Variants in DTNA observed in about 807,000 individuals in gnomAD.
The protein encoded by DTNA is dystrophin-related protein 3.
A neutral mutation model predicts 100.7 loss-of-function variants in DTNA; 43 were observed. That is an observed-to-expected ratio of 0.43 (90% CI 0.33 to 0.55). The LOEUF is 0.55. Ranked by LOEUF, DTNA falls within the 20% of genes least tolerant of loss-of-function variation. The pLI is 0.04. For synonymous variants in DTNA, 349 were observed against 347.9 expected, an observed-to-expected ratio of 1.00 and a Z score of -0.04; for missense variants, 798 against 953.9, an observed-to-expected ratio of 0.84 and a Z score of 2.15.
intron 1 of DTNA, among the ~76,000 whole-genome samples, chr18:34,606,685 C>T (rs2053191525): frequency 6.6e-6 from 1 of 151,974 alleles, no homozygotes; most frequent in Non-Finnish European, 1.5e-5. Context: ...GAAGGTGATG[C>T]TTATATTGGA....
At chr18:34,508,067 A>G (rs530852451) in intron 1 of DTNA, among the ~76,000 whole-genome samples, 26 of 152,332 alleles carry the variant, frequency 1.7e-4, no homozygotes, top group Non-Finnish European at 3.2e-4. Flanking sequence ...ATTATTTTCT[A>G]TCCTTAACCC....
At chr18:34,600,141 G>T (rs1459683894) in intron 1 of DTNA, among the ~76,000 whole-genome samples, 1 of 151,984 alleles carries the variant, frequency 6.6e-6, no homozygotes, top group Non-Finnish European at 1.5e-5. Flanking sequence ...TCTTGTTTAG[G>T]AGATACTTAT....
chr18:34,588,570 C>T (rs1273271358), intron 1 of DTNA, among the ~76,000 whole-genome samples: 1 of 152,136 alleles, frequency 6.6e-6, no homozygotes, highest in South Asian at 2.1e-4. Context: ...CCCTTATGCT[C>T]CTCTCCCCTA....
At chr18:34,772,695 A>G (rs537085991) in intron 3 of DTNA, among the ~76,000 whole-genome samples, 77 of 152,360 alleles carry the variant, frequency 5.1e-4, no homozygotes, top group Non-Finnish European at 5.6e-4. Flanking sequence ...AGCTGCCACT[A>G]TGAATTTTCT....
chr18:34,562,952 A>T lies in DTNA; in HGVS notation c.-2+69438A>T, dbSNP rs2046769288. Among the ~76,000 whole-genome samples, 3 of 152,330 alleles carry T rather than the reference A, an allele frequency of 2.0e-5. No individual in the cohort carries two copies. The South Asian group carries it at 6.2e-4, about 32-fold the overall frequency. On this transcript the variant is annotated intron_variant, in intron 1 of 19. Transcript: ENST00000283365. The stretch of plus-strand genomic sequence containing the variant: ...GGTACTGTACCTTTGGACAAATTGC[A>T]AATTAGGAAAAGTTGTCCCTGAAAA...
chr18:34,872,939 C>T (rs1036917421), intron 17 of DTNA, among the ~76,000 whole-genome samples: 1 of 152,232 alleles, frequency 6.6e-6, no homozygotes, highest in Non-Finnish European at 1.5e-5. Context: ...AATTTTATCT[C>T]TGCCATTCTC....
rs187308097 is a variant in DTNA, at chr18:34,866,190, G to A, written c.1743+2128G>A. On this transcript the variant is annotated intron_variant, in intron 17 of 22. Transcript: ENST00000444659. ...ACAGTGGAGGGGCCTGCCGACCTGC[G>A]GTTTTCTCATTGCTTTTGCTCTAAT... is the stretch of plus-strand genomic sequence containing the variant. 6,553 of 1,613,988 alleles carry A rather than the reference G, an allele frequency of 4.1e-3. 18 individuals carry two copies. The highest frequency in any genetic ancestry group is 4.6e-3 in the Non-Finnish European group (5,478 of 1,179,962).
chr18:34,725,926 G>T (rs142581422), intron 1 of DTNA, among the ~76,000 whole-genome samples: 1 of 152,128 alleles, frequency 6.6e-6, no homozygotes, highest in Non-Finnish European at 1.5e-5. Flanking sequence ...CCATAAAAAA[G>T]GATGAGTTCA....
intron 1 of DTNA, among the ~76,000 whole-genome samples, chr18:34,724,835 A>G (rs574338682): frequency 1.3e-5 from 2 of 152,318 alleles, no homozygotes; most frequent in South Asian, 4.1e-4. Flanking sequence ...TTCAAACTAT[A>G]CTATAAGGCT....
intron 1 of DTNA, among the ~76,000 whole-genome samples, chr18:34,736,616 G>A (rs900930848): frequency 1.3e-5 from 2 of 152,134 alleles, no homozygotes; most frequent in South Asian, 2.1e-4. Context: ...TGAAATTTAA[G>A]GCCTCATTTA....
chr18:34,694,988 G>A (rs566102494), intron 1 of DTNA, among the ~76,000 whole-genome samples: 12 of 152,250 alleles, frequency 7.9e-5, no homozygotes, highest in African/African-American at 1.2e-4. Context: ...TGAGTAGGAC[G>A]GAGCATGCCA....
At chr18:34,514,471 A>G (rs111332541) in intron 1 of DTNA, among the ~76,000 whole-genome samples, 77 of 152,278 alleles carry the variant, frequency 5.1e-4, no homozygotes, top group African/African-American at 1.7e-3. Flanking sequence ...CATAAGGCTC[A>G]TGGTGAATCA....
At chr18:34,815,112 A>ATT (rs1249845094) in intron 6 of DTNA, among the ~76,000 whole-genome samples, 1 of 152,110 alleles carries the variant, frequency 6.6e-6, no homozygotes, top group Non-Finnish European at 1.5e-5. Context: ...TAAATAAAAT[A>ATT]TTTTAAAAAA....
chr18:34,729,661 T>C (rs916592856), intron 1 of DTNA, among the ~76,000 whole-genome samples: 1 of 152,136 alleles, frequency 6.6e-6, no homozygotes, highest in African/African-American at 2.4e-5. Flanking sequence ...ACATTCCATA[T>C]TGGGCATTCA....
At chr18:34,615,105 T>TG (rs930806562) in intron 1 of DTNA, among the ~76,000 whole-genome samples, 6 of 152,348 alleles carry the variant, frequency 3.9e-5, no homozygotes, top group South Asian at 4.1e-4. Context: ...TGTGCAAGCA[T>TG]GGTGCTGACA....
At chr18:34,806,160 A>G in intron 4 of DTNA, 59 bp from the exon 5 acceptor site, 2 of 1,462,836 alleles carry the variant, frequency 1.4e-6, no homozygotes, top group Non-Finnish European at 1.9e-6. Context: ...AGTACTCCAA[A>G]TGACATCATG....
At chr18:34,663,599 T>G (rs1004601285) in intron 1 of DTNA, among the ~76,000 whole-genome samples, 21 of 152,212 alleles carry the variant, frequency 1.4e-4, no homozygotes, top group Non-Finnish European at 2.9e-5. Flanking sequence ...ATAGAACATT[T>G]TTTTTTTGAA....
intron 1 of DTNA, among the ~76,000 whole-genome samples, chr18:34,572,660 C>G (rs2047703872): frequency 6.6e-6 from 1 of 152,060 alleles, no homozygotes; most frequent in Non-Finnish European, 1.5e-5. Context: ...CCCGTTTCCT[C>G]TTGACTTTTG....
intron 1 of DTNA, among the ~76,000 whole-genome samples, chr18:34,712,793 T>G (rs551815048): frequency 8.9e-4 from 136 of 152,242 alleles, no homozygotes; most frequent in Non-Finnish European, 1.7e-3. Context: ...CTGCCTAGAG[T>G]CATAGACCAA....
Sources: allele counts gnomAD v4.1 joint callset (sites outside exome capture counted in the v4.1 genomes callset), GRCh38; gene constraint gnomAD v4.1.1; transcripts MANE v1.5; gene names NCBI Gene and HGNC (gene_info 2026-07-23, HGNC 2026-07-21).